The following HIBCH variants were observed in gnomAD, a reference collection of about 807,000 sequenced individuals.
The protein encoded by HIBCH is 3-hydroxyisobutyryl-CoA hydrolase, mitochondrial.
In HIBCH, 50 loss-of-function variants were observed where a neutral mutation model predicts 58.2. The ratio of observed to expected loss-of-function variants is 0.86; its 90% confidence interval spans 0.68 to 1.09. The LOEUF is 1.09. HIBCH is among the 50% of genes least tolerant of loss of function. The pLI is 0.00. For missense variants in HIBCH, 450 were observed against 449.7 expected (o/e 1.00, Z -0.01); for synonymous variants, 151 against 146.9 (o/e 1.03, Z -0.20).
intron 4 of HIBCH, among the ~76,000 whole-genome samples, chr2:190,293,526 C>G (rs541627216): frequency 6.6e-6 from 1 of 151,942 alleles, no homozygotes; most frequent in East Asian, 1.9e-4. Flanking sequence ...GATTCAAAAA[C>G]AATTCAGTTA....
chr2:190,315,772 AAAG>A lies in HIBCH; in HGVS notation c.35+3941_35+3943del, dbSNP rs1263201722. 6.6e-6 allele frequency among the ~76,000 whole-genome samples: 1 copy of A among 152,216 alleles called. No homozygotes were observed. Among genetic ancestry groups the A allele is most frequent in the Non-Finnish European group, 1.5e-5 (1 of 68,036 alleles). Reference sequence around the variant, plus strand: ...GAGTGATATTATTAAGAGTTTTTATAAAGTAAAAACTCAATGGAAAGGAATGTC... The same window carrying A: ...GAGTGATATTATTAAGAGTTTTTATATAAAAACTCAATGGAAAGGAATGTC... On this transcript the variant is annotated intron_variant, in intron 1 of 13. Transcript: ENST00000359678. The surrounding 1 kb of genome is among the most constrained non-coding windows in gnomAD (Gnocchi z 5.4).
intron 8 of HIBCH, among the ~76,000 whole-genome samples, chr2:190,251,298 CT>C (rs1243927124): frequency 2.0e-5 from 3 of 152,134 alleles, no homozygotes; most frequent in Non-Finnish European, 2.9e-5. Context: ...TGACCATGTG[CT>C]TCCTTGAAAG....
intron 11 of HIBCH, among the ~76,000 whole-genome samples, chr2:190,220,639 G>T (rs115091386): frequency 6.6e-6 from 1 of 151,642 alleles, no homozygotes; most frequent in Non-Finnish European, 1.5e-5. Flanking sequence ...TCTGGTTACA[G>T]GGCATCCAAG....
intron 6 of HIBCH, among the ~76,000 whole-genome samples, chr2:190,276,916 G>A (rs1687566781): frequency 6.6e-6 from 1 of 152,114 alleles, no homozygotes; most frequent in African/African-American, 2.4e-5. Context: ...CTAAATGACT[G>A]GTATCACTGC....
At chr2:190,194,029 T>C (rs1012179628) in intron 1 of HIBCH, among the ~76,000 whole-genome samples, 15 of 152,198 alleles carry the variant, frequency 9.9e-5, no homozygotes, top group Non-Finnish European at 1.6e-4. Flanking sequence ...GTGATTTTCT[T>C]CTTTGTCCCA....
At chr2:190,277,426 T>C (rs1197055757) in intron 6 of HIBCH, among the ~76,000 whole-genome samples, 8 of 152,228 alleles carry the variant, frequency 5.3e-5, no homozygotes, top group Non-Finnish European at 1.2e-4. Context: ...CGCCATCTTT[T>C]GGACTGTACA....
chr2:190,270,641 T>C (rs1687370073), intron 6 of HIBCH, among the ~76,000 whole-genome samples: 1 of 152,224 alleles, frequency 6.6e-6, no homozygotes, highest in African/African-American at 2.4e-5. Flanking sequence ...TAGCACCATT[T>C]CAATTTCTTT....
At chr2:190,286,049 C>A (rs1687819873) in intron 6 of HIBCH, among the ~76,000 whole-genome samples, 1 of 151,988 alleles carries the variant, frequency 6.6e-6, no homozygotes, top group South Asian at 2.1e-4. Flanking sequence ...GCCATGTTGC[C>A]CAAGCTGGTC....
chr2:190,228,890 G>C (rs1460429764), intron 11 of HIBCH, among the ~76,000 whole-genome samples: 1 of 152,142 alleles, frequency 6.6e-6, no homozygotes, highest in Non-Finnish European at 1.5e-5. Flanking sequence ...CAATAACAAA[G>C]AGGACGTGAT....
intron 2 of HIBCH, among the ~76,000 whole-genome samples, chr2:190,310,274 C>A (rs1470264725): frequency 6.6e-6 from 1 of 152,208 alleles, no homozygotes; most frequent in Non-Finnish European, 1.5e-5. Context: ...GGCTTCCTTG[C>A]TCCTCAATTT....
chr2:190,276,323 A>G (rs1338022839), intron 6 of HIBCH, among the ~76,000 whole-genome samples: 2 of 152,222 alleles, frequency 1.3e-5, no homozygotes, highest in Non-Finnish European at 2.9e-5. Flanking sequence ...GGCAATTTTG[A>G]GAGTTTCAAT....
chr2:190,212,900 A>G (rs1400368457), intron 12 of HIBCH, 56 bp downstream of exon 12: 10 of 1,471,364 alleles, frequency 6.8e-6, no homozygotes, highest in Non-Finnish European at 9.4e-6. Context: ...AAGTTCTACA[A>G]TAAACGTATG....
intron 11 of HIBCH, among the ~76,000 whole-genome samples, chr2:190,218,706 G>A (rs766912727): frequency 9.2e-5 from 14 of 152,186 alleles, no homozygotes; most frequent in Non-Finnish European, 1.8e-4. Flanking sequence ...TGGTAGCTGC[G>A]TTTCCCCTAA....
chr2:190,199,731 C>CATTG, downstream of HIBCH: 1 of 1,492,332 alleles, frequency 6.7e-7, no homozygotes, highest in South Asian at 1.4e-5. Context: ...TGAAAGGGAA[C>CATTG]ATTGATTACT....
intron 1 of HIBCH, among the ~76,000 whole-genome samples, chr2:190,313,156 A>G (rs1271244897): frequency 2.0e-5 from 3 of 152,238 alleles, no homozygotes; most frequent in Non-Finnish European, 2.9e-5. Flanking sequence ...GCTTTGTGCT[A>G]GTAACTCTTT....
chr2:190,271,763 C>T (rs1288241201), intron 6 of HIBCH, among the ~76,000 whole-genome samples: 1 of 152,116 alleles, frequency 6.6e-6, no homozygotes, highest in Non-Finnish European at 1.5e-5. Flanking sequence ...TTAATTAGCT[C>T]TCCATATTGA....
Position 190,313,696 on chromosome 2 carries a change from A to G in HIBCH, c.36-2900T>C, listed in dbSNP as rs1197966986. Among the ~76,000 whole-genome samples the G allele has an allele frequency of 2.0e-5, 3 of 151,798 alleles. No individual in the cohort carries two copies. In the East Asian group the frequency reaches 5.8e-4, roughly 29 times the overall value. On this transcript the variant is annotated intron_variant, in intron 1 of 13. Transcript: ENST00000359678. ...ACCTGGAGACTGCTAAAAATTCCAA[A>G]GCCCAGGTCACACCCAAGACCAATT... is the stretch of plus-strand genomic sequence containing the variant.
intron 1 of HIBCH, among the ~76,000 whole-genome samples, chr2:190,317,733 G>T (rs1275462401): frequency 6.6e-6 from 1 of 152,154 alleles, no homozygotes; most frequent in Non-Finnish European, 1.5e-5. Context: ...GGAGAACTTA[G>T]GTAAGTTTGA....
intron 6 of HIBCH, among the ~76,000 whole-genome samples, chr2:190,278,738 C>CAAAAAA (rs34358967): frequency 6.3e-5 from 5 of 79,614 alleles, no homozygotes; most frequent in Non-Finnish European, 1.1e-4. Context: ...GACTCCATCT[C>CAAAAAA]AAAAAAAAAA....
Sources: gnomAD v4.1 joint callset for allele counts (sites outside exome capture counted in the v4.1 genomes callset) on GRCh38, gnomAD v4.1.1 for gene constraint, Gnocchi (gnomAD v3.1) non-coding constraint, MANE v1.5 for transcripts, NCBI Gene and HGNC (gene_info 2026-07-23, HGNC 2026-07-21) for gene names.